Variants in GANC observed in about 807,000 individuals in gnomAD.
GANC encodes the protein glucosidase alpha, neutral C.
A neutral mutation model predicts 124.2 loss-of-function variants in GANC; 117 were observed. That is an observed-to-expected ratio of 0.94 (90% CI 0.81 to 1.10). The LOEUF (loss-of-function observed/expected upper bound fraction) is 1.10, where lower values mean the gene tolerates loss of function less well. Among genes scored for constraint, GANC ranks in the 50% least tolerant of loss-of-function variants. GANC has a pLI of 0.00. For synonymous variants in GANC, 377 were observed against 376.8 expected, an observed-to-expected ratio of 1.00 and a Z score of -0.01; for missense variants, 1,140 against 1,095.0, an observed-to-expected ratio of 1.04 and a Z score of -0.58.
Position 42,349,439 on chromosome 15 carries a change from C to T in GANC, c.2475C>T (p.His825=). 6.2e-7 allele frequency: 1 copy of T among 1,613,862 alleles called. No individual in the cohort carries two copies. Among genetic ancestry groups the T allele is most frequent in the African/African-American group, 1.3e-5 (1 of 75,012 alleles). The change falls in exon 22 of 24, where the codon CAC becomes CAT. Residue 825 remains histidine, a synonymous_variant. Coordinates refer to ENST00000318010, the MANE Select transcript of GANC (RefSeq NM_198141.3). ...LDDGHSFQYL[H]QKQFLHRKFS... ...ATGGCCATTCATTCCAATACCTCCA[C>T]CAGAAGCAATTTTTGCACAGGAAGT...
chr15:42,287,903 T>G, intron 4 of GANC, 85 bp downstream of exon 4: 504 of 1,324,744 alleles, frequency 3.8e-4, no homozygotes, highest in Non-Finnish European at 4.8e-4. Flanking sequence ...TTATGTGCAC[T>G]TCTTATTTTG....
chr15:42,288,798 A>T (rs935877996), intron 4 of GANC, among the ~76,000 whole-genome samples: 11 of 152,162 alleles, frequency 7.2e-5, no homozygotes, highest in African/African-American at 2.7e-4. Context: ...TGTTGGGGTT[A>T]TCGGCATGAG....
chr15:42,342,445 G>A (rs973430566), intron 18 of GANC, among the ~76,000 whole-genome samples: 8 of 152,098 alleles, frequency 5.3e-5, no homozygotes, highest in African/African-American at 1.9e-4. Flanking sequence ...AGCTGGGCAC[G>A]TTGGGTGTGT....
intron 6 of GANC, among the ~76,000 whole-genome samples, chr15:42,304,136 G>A (rs1380141271): frequency 4.6e-5 from 7 of 152,080 alleles, no homozygotes; most frequent in Admixed American, 1.3e-4. Context: ...GGAAAATAAC[G>A]GAAATCATAA....
At chr15:42,303,291 A>G (rs1227135302) in intron 6 of GANC, among the ~76,000 whole-genome samples, 2 of 152,254 alleles carry the variant, frequency 1.3e-5, no homozygotes, top group Non-Finnish European at 2.9e-5. Flanking sequence ...AATCCTTTAC[A>G]GACAAGCAAA....
At chr15:42,320,255 A>G (rs1300888680) in intron 10 of GANC, among the ~76,000 whole-genome samples, 1 of 152,188 alleles carries the variant, frequency 6.6e-6, no homozygotes. Context: ...GGATTTTCAA[A>G]TTAGGGATAC....
intron 10 of GANC, among the ~76,000 whole-genome samples, chr15:42,315,619 A>G (rs776458807): frequency 1.3e-5 from 2 of 152,240 alleles, no homozygotes; most frequent in African/African-American, 2.4e-5. Flanking sequence ...ATGACTCAGT[A>G]TGATGGTTAA....
chr15:42,274,191 C>T lies in GANC; in HGVS notation c.-291C>T, dbSNP rs2051625455. On this transcript the variant is annotated 5_prime_UTR_variant, in exon 1 of 24. Coordinates refer to ENST00000318010, the MANE Select transcript of GANC (RefSeq NM_198141.3). Reference sequence around the variant, plus strand: ...AGGACTCATTGCGTACACGCCCTCACCGCCGCCCAGTTTCGGTTCCTAACA... The same window carrying T: ...AGGACTCATTGCGTACACGCCCTCATCGCCGCCCAGTTTCGGTTCCTAACA... 1 of 414,492 alleles carries T rather than the reference C, an allele frequency of 2.4e-6. No individual in the cohort carries two copies. Among genetic ancestry groups the T allele is most frequent in the Admixed American group, 3.9e-5 (1 of 25,402 alleles). 25.7% of individuals were successfully genotyped at this position (414,492 alleles called of 1,614,324 possible).
At chr15:42,291,506 G>C (rs1356379095) in intron 4 of GANC, among the ~76,000 whole-genome samples, 1 of 152,112 alleles carries the variant, frequency 6.6e-6, no homozygotes, top group Non-Finnish European at 1.5e-5. Context: ...TGTTCCCCAC[G>C]AGAATCCAGA....
At chr15:42,288,594 A>G (rs2051813688) in intron 4 of GANC, among the ~76,000 whole-genome samples, 1 of 152,246 alleles carries the variant, frequency 6.6e-6, no homozygotes, top group Non-Finnish European at 1.5e-5. Context: ...TGAGAAATGA[A>G]TTCAGTTATG....
Position 42,330,621 on chromosome 15 carries a change from G to C in GANC, c.1690G>C (p.Glu564Gln). 1 of 1,612,124 alleles carries C rather than the reference G, an allele frequency of 6.2e-7. No individual in the cohort carries two copies. Among genetic ancestry groups the C allele is most frequent in the Non-Finnish European group, 8.5e-7 (1 of 1,179,472 alleles). The change falls in exon 15 of 24, where the codon GAG (glutamate) becomes CAG (glutamine). Residue 564 changes from glutamate (E) to glutamine (Q), a missense_variant. Transcript: ENST00000318010. ...EGLIKRSKGK[E>Q]RPFVLTRSFF... ...ACTGATAAAACGATCTAAAGGGAAGGAGAGACCCTTTGTTCTTACACGTTC... is the reference window on the plus strand; with the variant it reads ...ACTGATAAAACGATCTAAAGGGAAGCAGAGACCCTTTGTTCTTACACGTTC...
intron 13 of GANC, among the ~76,000 whole-genome samples, chr15:42,328,827 G>C (rs1285582535): frequency 1.3e-5 from 2 of 152,124 alleles, no homozygotes; most frequent in African/African-American, 2.4e-5. Flanking sequence ...ACAAACTATA[G>C]ATCATGTTAA....
chr15:42,282,085 G>C (rs2051739600), intron 3 of GANC, among the ~76,000 whole-genome samples: 1 of 152,182 alleles, frequency 6.6e-6, no homozygotes, highest in Non-Finnish European at 1.5e-5. Context: ...CACTTTGGTA[G>C]GCCGAGGCGG....
intron 15 of GANC, 42 bp downstream of exon 15, chr15:42,330,714 CTT>C (rs531452413): frequency 7.9e-7 from 1 of 1,273,574 alleles, no homozygotes; most frequent in Non-Finnish European, 1.1e-6. Flanking sequence ...ACATTAGCAA[CTT>C]TTTTTTTAAC....
chr15:42,280,771 C>G (rs780954285), intron 3 of GANC: 119 of 600,988 alleles, frequency 2.0e-4, no homozygotes, highest in Non-Finnish European at 2.9e-4. Flanking sequence ...GCAAAATCAC[C>G]CGGAATATCA....
chr15:42,286,954 T>C (rs185212784), intron 3 of GANC, among the ~76,000 whole-genome samples: 15 of 152,364 alleles, frequency 9.8e-5, no homozygotes, highest in Middle Eastern at 3.4e-3. Flanking sequence ...TTAAAATATT[T>C]TTCTAGGTGC....
chr15:42,352,930 C>A lies in GANC; in HGVS notation c.*791C>A. The stretch of plus-strand genomic sequence containing the variant: ...AGGATGAGGCAAGGGAGACCCTGGC[C>A]TTGGGCACAAAATGTAAGGGATGCC... On this transcript the variant is annotated 3_prime_UTR_variant, in exon 24 of 24. Transcript: ENST00000318010. The A allele has an allele frequency of 2.0e-6, 1 of 493,790 alleles. No homozygotes were observed. The highest frequency in any genetic ancestry group is 2.6e-6 in the Non-Finnish European group (1 of 380,952). 30.6% of individuals were successfully genotyped at this position (493,790 alleles called of 1,614,324 possible).
intron 6 of GANC, among the ~76,000 whole-genome samples, chr15:42,298,881 G>T (rs1416163537): frequency 1.3e-5 from 2 of 152,150 alleles, no homozygotes; most frequent in Admixed American, 1.3e-4. Context: ...GGATGTAAAG[G>T]CATGCTTGTG....
intron 10 of GANC, among the ~76,000 whole-genome samples, chr15:42,317,757 G>A (rs1280126588): frequency 6.6e-6 from 1 of 152,154 alleles, no homozygotes; most frequent in Non-Finnish European, 1.5e-5. Flanking sequence ...TGTGATGGGA[G>A]GAATGACAAT....
Sources: allele counts gnomAD v4.1 joint callset (sites outside exome capture counted in the v4.1 genomes callset), GRCh38; gene constraint gnomAD v4.1.1; transcripts MANE v1.5; gene names NCBI Gene and HGNC (gene_info 2026-07-23, HGNC 2026-07-21).